NDST4: variants seen among roughly 807,000 people sequenced by gnomAD.
NDST4 encodes the protein N-heparan sulfate sulfotransferase 4.
Under a neutral mutation model 100.8 loss-of-function variants are expected in NDST4, and 63 were observed. That is an observed-to-expected ratio of 0.62 (90% CI 0.51 to 0.77). The LOEUF (loss-of-function observed/expected upper bound fraction) is 0.77, where lower values mean the gene tolerates loss of function less well. NDST4 is among the 30% of genes least tolerant of loss of function. NDST4 has a pLI of 0.00. For missense variants in NDST4, 943 were observed against 1,018.4 expected (o/e 0.93, Z 1.01); for synonymous variants, 377 against 361.8 (o/e 1.04, Z -0.48).
At chr4:114,994,066 C>T (rs1220160397) in intron 2 of NDST4, among the ~76,000 whole-genome samples, 3 of 151,908 alleles carry the variant, frequency 2.0e-5, no homozygotes, top group Admixed American at 6.6e-5. Context: ...GAGTATTCTG[C>T]TTTGTAAAAA....
intron 6 of NDST4, among the ~76,000 whole-genome samples, chr4:114,929,772 T>G (rs1725474546): frequency 6.6e-6 from 1 of 152,214 alleles, no homozygotes; most frequent in South Asian, 2.1e-4. Flanking sequence ...GAGATTTATT[T>G]TAAGTTTAAA....
intron 7 of NDST4, among the ~76,000 whole-genome samples, chr4:114,853,763 T>G (rs1723730151): frequency 6.6e-6 from 1 of 152,168 alleles, no homozygotes; most frequent in Non-Finnish European, 1.5e-5. Flanking sequence ...GGAAAAACAT[T>G]TATGGTTCAT....
intron 6 of NDST4, among the ~76,000 whole-genome samples, chr4:114,906,004 T>C (rs76388576): frequency 0.01 from 1,590 of 152,102 alleles, 28 homozygotes; most frequent in African/African-American, 0.036. Flanking sequence ...GGACCACTAT[T>C]GGTTTACATT....
chr4:114,868,105 T>C (rs947140066), intron 7 of NDST4, among the ~76,000 whole-genome samples: 1 of 152,178 alleles, frequency 6.6e-6, no homozygotes, highest in African/African-American at 2.4e-5. Context: ...AACAAGAATG[T>C]GTGAATTGAA....
At chr4:115,099,260 G>C (rs150996352) in intron 1 of NDST4, among the ~76,000 whole-genome samples, 1 of 152,004 alleles carries the variant, frequency 6.6e-6, no homozygotes, top group African/African-American at 2.4e-5. Context: ...AGATGACCTT[G>C]ATTTTTTTTT....
intron 2 of NDST4, among the ~76,000 whole-genome samples, chr4:115,041,764 G>A (rs970356431): frequency 8.6e-5 from 13 of 152,012 alleles, no homozygotes; most frequent in Non-Finnish European, 1.0e-4. Flanking sequence ...CCTGTGAGAT[G>A]TCTGAGTTTC....
chr4:115,014,738 C>G (rs190493554), intron 2 of NDST4, among the ~76,000 whole-genome samples: 35 of 152,026 alleles, frequency 2.3e-4, no homozygotes, highest in African/African-American at 8.0e-4. Flanking sequence ...CAGCAAAATC[C>G]CTTAGAATTT....
chr4:114,884,326 G>GA (rs1187479097), intron 6 of NDST4, among the ~76,000 whole-genome samples: 1 of 152,004 alleles, frequency 6.6e-6, no homozygotes, highest in Non-Finnish European at 1.5e-5. Context: ...GGGAGGAGAA[G>GA]AAAAAACTTT....
intron 4 of NDST4, among the ~76,000 whole-genome samples, chr4:114,956,295 C>G (rs1031491135): frequency 1.3e-5 from 2 of 152,096 alleles, no homozygotes; most frequent in Non-Finnish European, 2.9e-5. Context: ...AGAGGCAGGT[C>G]TCAAGAAGAG....
chr4:115,094,231 C>A (rs962643134), intron 1 of NDST4, among the ~76,000 whole-genome samples: 1 of 151,970 alleles, frequency 6.6e-6, no homozygotes, highest in Non-Finnish European at 1.5e-5. Context: ...AGAGAAGCCT[C>A]AAAATGAATA....
At chr4:115,112,970 G>A (rs560839132) in intron 1 of NDST4, among the ~76,000 whole-genome samples, 53 of 152,028 alleles carry the variant, frequency 3.5e-4, no homozygotes, top group Admixed American at 9.2e-4. Context: ...TTAGTACAGA[G>A]CATGCCTATA....
intron 2 of NDST4, among the ~76,000 whole-genome samples, chr4:115,051,755 G>A (rs1277737382): frequency 1.3e-5 from 2 of 150,198 alleles, no homozygotes; most frequent in Non-Finnish European, 3.0e-5. Flanking sequence ...AGTTGATTTT[G>A]TTCCTTTTGG....
At chr4:114,981,304 C>A (rs904055447) in intron 2 of NDST4, among the ~76,000 whole-genome samples, 1 of 151,736 alleles carries the variant, frequency 6.6e-6, no homozygotes, top group Non-Finnish European at 1.5e-5. Flanking sequence ...CAACTTTGCC[C>A]CTATATAGCT....
chr4:115,035,002 C>T (rs901615813), intron 2 of NDST4, among the ~76,000 whole-genome samples: 1 of 152,074 alleles, frequency 6.6e-6, no homozygotes, highest in Non-Finnish European at 1.5e-5. Context: ...CATCTTCTCC[C>T]CCAATCAATA....
chr4:114,853,726 A>G (rs1723729246), intron 7 of NDST4, among the ~76,000 whole-genome samples: 1 of 152,198 alleles, frequency 6.6e-6, no homozygotes, highest in Non-Finnish European at 1.5e-5. Context: ...TATATTTATT[A>G]TCCCAATATT....
chr4:115,022,009 T>C lies in NDST4; in HGVS notation c.979-44735A>G, dbSNP rs1035275974. On this transcript the variant is annotated intron_variant, in intron 2 of 13. Coordinates refer to ENST00000264363, the MANE Select transcript of NDST4 (RefSeq NM_022569.3). Reference sequence around the variant, plus strand: ...TATCTCTATATATTCCATATATATGTTCCATATCTCTATGTTCCATATCTC... The same window carrying C: ...TATCTCTATATATTCCATATATATGCTCCATATCTCTATGTTCCATATCTC... 2.2e-5 allele frequency among the ~76,000 whole-genome samples: 3 copies of C among 139,378 alleles called. No homozygotes were observed. The East Asian group carries it at 5.8e-4, about 27-fold the overall frequency. The allele number at this position is 139,378 out of a possible 152,430, so 91.4% of individuals were successfully genotyped here.
intron 7 of NDST4, among the ~76,000 whole-genome samples, chr4:114,864,443 G>GC (rs1723981420): frequency 6.6e-6 from 1 of 152,120 alleles, no homozygotes; most frequent in Non-Finnish European, 1.5e-5. Flanking sequence ...CTCTGTGTAT[G>GC]TCTTTAAAAT....
intron 4 of NDST4, among the ~76,000 whole-genome samples, chr4:114,946,274 A>G (rs1165219205): frequency 6.6e-6 from 1 of 151,042 alleles, no homozygotes; most frequent in Non-Finnish European, 1.5e-5. Flanking sequence ...TGGTGAGGAT[A>G]CAGCAGTGAA....
Position 115,071,929 on chromosome 4 carries a change from A to T in NDST4, c.978+4130T>A, listed in dbSNP as rs188682451. 4.6e-5 allele frequency among the ~76,000 whole-genome samples: 7 copies of T among 152,266 alleles called. No individual in the cohort carries two copies. In the East Asian group the frequency reaches 1.4e-3, roughly 29 times the overall value. ...TAGTTCTCAATTCTCAATTCCATTC[A>T]AATTTCTCATATTTATTCATTAATA... On this transcript the variant is annotated intron_variant, in intron 2 of 13. Transcript: ENST00000264363.
Sources: allele counts gnomAD v4.1 joint callset (sites outside exome capture counted in the v4.1 genomes callset), GRCh38; gene constraint gnomAD v4.1.1; transcripts MANE v1.5; gene names NCBI Gene and HGNC (gene_info 2026-07-23, HGNC 2026-07-21).